The following CTNND2 variants were observed in gnomAD, a reference collection of about 807,000 sequenced individuals.
CTNND2 encodes catenin delta 2.
A neutral mutation model predicts 144.4 loss-of-function variants in CTNND2; 22 were observed. The observed-to-expected ratio is 0.15, with a 90% CI of 0.11 to 0.22. CTNND2 has a LOEUF of 0.22. Among genes scored for constraint, CTNND2 ranks in the 10% least tolerant of loss-of-function variants. The probability of loss-of-function intolerance (pLI) is 1.00; values close to 1 mark genes in which losing one functional copy is unlikely to be tolerated. For missense variants in CTNND2, 1,353 were observed against 1,618.8 expected (o/e 0.84, Z 2.82); for synonymous variants, 751 against 695.6 (o/e 1.08, Z -1.25).
intron 2 of CTNND2, among the ~76,000 whole-genome samples, chr5:11,580,909 T>C (rs1304188489): frequency 6.6e-6 from 1 of 152,188 alleles, no homozygotes; most frequent in Non-Finnish European, 1.5e-5. Context: ...GGTTTCATCA[T>C]TGTTTTTAGA....
intron 21 of CTNND2, among the ~76,000 whole-genome samples, chr5:10,976,458 C>A (rs1736497839): frequency 6.6e-6 from 1 of 152,182 alleles, no homozygotes; most frequent in African/African-American, 2.4e-5. Context: ...ATTTCTGAAT[C>A]TGGGTGTCTG....
intron 16 of CTNND2, among the ~76,000 whole-genome samples, chr5:11,054,420 A>C (rs1198948908): frequency 2.0e-5 from 3 of 152,198 alleles, no homozygotes; most frequent in African/African-American, 7.2e-5. Flanking sequence ...CCAGAAATAA[A>C]AGGTATGCAA....
intron 1 of CTNND2, among the ~76,000 whole-genome samples, chr5:11,754,559 A>G (rs1036523488): frequency 6.6e-6 from 1 of 151,632 alleles, no homozygotes; most frequent in Non-Finnish European, 1.5e-5. Context: ...TGGGGTGTTG[A>G]CATCTTCCTC....
intron 2 of CTNND2, among the ~76,000 whole-genome samples, chr5:11,590,337 C>T (rs1044406398): frequency 6.6e-6 from 1 of 152,154 alleles, no homozygotes; most frequent in Non-Finnish European, 1.5e-5. Context: ...GCCACCAGGC[C>T]TGGCCCTGTA....
At chr5:11,897,020 G>A (rs1478502359) in intron 1 of CTNND2, among the ~76,000 whole-genome samples, 2 of 152,134 alleles carry the variant, frequency 1.3e-5, no homozygotes, top group African/African-American at 2.4e-5. Context: ...CTGGGTTAAT[G>A]AGACAATTTG....
At position 11,522,312 on chromosome 5, in the gene CTNND2, A is replaced by C. The variant is rs569944836; in HGVS notation, c.287+42632T>G. Among the ~76,000 whole-genome samples the C allele has an allele frequency of 2.0e-5, 3 of 152,322 alleles. No homozygotes were observed. The East Asian group carries it at 5.8e-4, about 29-fold the overall frequency. Reference sequence around the variant, plus strand: ...CCTGGGCTGGAAGACCCAGGAATACAGCCATAGCCTTGGCTTTGTAATTTT... The same window carrying C: ...CCTGGGCTGGAAGACCCAGGAATACCGCCATAGCCTTGGCTTTGTAATTTT... On this transcript the variant is annotated intron_variant, in intron 3 of 21. Transcript: ENST00000304623.
intron 3 of CTNND2, among the ~76,000 whole-genome samples, chr5:11,465,475 C>T (rs945077618): frequency 3.3e-5 from 5 of 152,086 alleles, no homozygotes; most frequent in African/African-American, 1.2e-4. Context: ...CTCACATGAT[C>T]GATGTCCCAA....
intron 2 of CTNND2, among the ~76,000 whole-genome samples, chr5:11,569,464 C>G (rs1285785189): frequency 6.6e-6 from 1 of 152,046 alleles, no homozygotes; most frequent in East Asian, 1.9e-4. Flanking sequence ...CATTTTATAA[C>G]TTTTCCTAAA....
At chr5:10,980,286 CAT>C (rs1386598466) in intron 21 of CTNND2, among the ~76,000 whole-genome samples, 1 of 151,948 alleles carries the variant, frequency 6.6e-6, no homozygotes, top group Non-Finnish European at 1.5e-5. Flanking sequence ...AGCCAACAGA[CAT>C]ATGAAAAAAT....
chr5:11,364,624 A>G (rs974424738), intron 8 of CTNND2, 72 bp downstream of exon 8: 200 of 1,210,876 alleles, frequency 1.7e-4, no homozygotes, highest in Non-Finnish European at 2.1e-4. Context: ...TTCATTTGGG[A>G]GTGTTATTGA....
intron 1 of CTNND2, among the ~76,000 whole-genome samples, chr5:11,792,578 A>G (rs900048317): frequency 5.9e-5 from 9 of 152,238 alleles, no homozygotes; most frequent in Non-Finnish European, 1.2e-4. Flanking sequence ...ATTTAAATAC[A>G]AGTACAGCAG....
intron 12 of CTNND2, among the ~76,000 whole-genome samples, chr5:11,135,564 A>G (rs1469444536): frequency 6.6e-6 from 1 of 152,190 alleles, no homozygotes; most frequent in African/African-American, 2.4e-5. Flanking sequence ...TAATTTGCTA[A>G]AATTCTCTAA....
At chr5:11,266,016 T>C (rs32105) in intron 9 of CTNND2, among the ~76,000 whole-genome samples, 23,798 of 152,062 alleles carry the variant, frequency 0.16, 2,149 homozygotes, top group African/African-American at 0.24. Flanking sequence ...GGTCATCTCT[T>C]TCTATTTTTT....
intron 1 of CTNND2, among the ~76,000 whole-genome samples, chr5:11,898,300 A>C (rs1737565757): frequency 6.6e-6 from 1 of 152,258 alleles, no homozygotes; most frequent in African/African-American, 2.4e-5. Context: ...TAATTCTTAA[A>C]GTAACTATAT....
intron 3 of CTNND2, among the ~76,000 whole-genome samples, chr5:11,537,597 C>A (rs1027377117): frequency 6.6e-6 from 1 of 152,014 alleles, no homozygotes; most frequent in Non-Finnish European, 1.5e-5. Flanking sequence ...TTCCTTTCTA[C>A]CCTGCTTTTA....
At position 11,623,631 on chromosome 5, in the gene CTNND2, C is replaced by T. The variant is rs1287069594; in HGVS notation, c.175-58575G>A. ...CCCATAGGCTAAAAGTAAAAGGATG[C>T]AGAAAAATCTTCAAAGCAAATGGAA... On this transcript the variant is annotated intron_variant, in intron 2 of 21. Coordinates refer to ENST00000304623, the MANE Select transcript of CTNND2 (RefSeq NM_001332.4). Among the ~76,000 whole-genome samples the T allele has an allele frequency of 7.3e-5, 11 of 151,020 alleles. No homozygotes were observed. In the Admixed American group the frequency reaches 7.3e-4, roughly 10 times the overall value.
At chr5:11,072,745 C>A (rs1748467436) in intron 16 of CTNND2, among the ~76,000 whole-genome samples, 1 of 152,240 alleles carries the variant, frequency 6.6e-6, no homozygotes, top group Non-Finnish European at 1.5e-5. Context: ...TGCCAGGTCA[C>A]AGACCAGCAT....
Position 11,021,544 on chromosome 5 carries a change from C to G in CTNND2, c.2999+1225G>C, listed in dbSNP as rs61751667. On this transcript the variant is annotated intron_variant, in intron 17 of 21. Coordinates refer to ENST00000304623, the MANE Select transcript of CTNND2 (RefSeq NM_001332.4). Reference sequence around the variant, plus strand: ...CAATATCATAAGATATAGCTCAAGCCAACAGTCTCCACTGCGCAATTATTA... The same window carrying G: ...CAATATCATAAGATATAGCTCAAGCGAACAGTCTCCACTGCGCAATTATTA... 4.6e-4 allele frequency among the ~76,000 whole-genome samples: 70 copies of G among 152,258 alleles called. 1 individual carries two copies. The highest frequency in any genetic ancestry group is 3.4e-3 in the Middle Eastern group (1 of 294).
chr5:11,038,904 CA>C (rs1338476213), intron 16 of CTNND2, among the ~76,000 whole-genome samples: 15 of 152,260 alleles, frequency 9.9e-5, no homozygotes, highest in African/African-American at 3.6e-4. Context: ...AACTGCTAAC[CA>C]AACACCTGTG....
Sources: gnomAD v4.1 joint callset for allele counts (sites outside exome capture counted in the v4.1 genomes callset) on GRCh38, gnomAD v4.1.1 for gene constraint, MANE v1.5 for transcripts, NCBI Gene and HGNC (gene_info 2026-07-23, HGNC 2026-07-21) for gene names.